Variants in PUF60 observed in about 807,000 individuals in gnomAD.
The protein encoded by PUF60 is poly(U) binding splicing factor 60, also known as poly(U)-binding-splicing factor PUF60.
A neutral mutation model predicts 61.8 loss-of-function variants in PUF60; 10 were observed. The observed-to-expected ratio is 0.16, with a 90% CI of 0.10 to 0.27. The LOEUF (loss-of-function observed/expected upper bound fraction) is 0.27, where lower values mean the gene tolerates loss of function less well. PUF60 is among the 10% of genes least tolerant of loss of function. PUF60 has a pLI of 1.00. For missense variants in PUF60, 371 were observed against 754.0 expected, an observed-to-expected ratio of 0.49 and a Z score of 5.95; for synonymous variants, 353 against 300.9, an observed-to-expected ratio of 1.17 and a Z score of -1.79.
rs979405511 is a variant in PUF60 at position 143,821,584 on chromosome 8, G to T, written c.297+13C>A. On this transcript the variant is annotated intron_variant, in intron 4 of 11. Coordinates refer to ENST00000526683, the MANE Select transcript of PUF60 (RefSeq NM_078480.3). ...TGGTGGGGAGGGCGGTAGAGGCTCC[G>T]GCCGGGGCTCACCTGCAGGTTGGTG... 6.5e-7 allele frequency: 1 copy of T among 1,539,048 alleles called. No homozygotes were observed. Among genetic ancestry groups the T allele is most frequent in the East Asian group, 2.4e-5 (1 of 40,936 alleles).
intron 5 of PUF60, chr8:143,820,407 T>C: frequency 1.8e-6 from 1 of 557,490 alleles, no homozygotes; most frequent in Non-Finnish European, 3.2e-6. Flanking sequence ...CTACCCGCCC[T>C]GGCCGGCTGC....
Position 143,821,828 on chromosome 8 carries a change from G to A in PUF60, c.197C>T (p.Ala66Val). 1 of 1,610,530 alleles carries A rather than the reference G, an allele frequency of 6.2e-7. No individual in the cohort carries two copies. Among genetic ancestry groups the A allele is most frequent in the African/African-American group, 1.3e-5 (1 of 75,016 alleles). ...GAGGTCCATGCTCACCTTCTGAAGGGCCTCCTGCTGCTCGGGCGTCAGGGG... is the reference window on the plus strand; with the variant it reads ...GAGGTCCATGCTCACCTTCTGAAGGACCTCCTGCTGCTCGGGCGTCAGGGG... Reference protein sequence around the residue: ...LPPLTPEQQEALQKAKKYAME... With the variant: ...LPPLTPEQQEVLQKAKKYAME... Residue 66 changes from alanine (A) to valine (V), a missense_variant, in exon 3 of 12, where the codon GCC becomes GTC. Physicochemically the swap from Ala to Val is moderately conservative, Grantham distance 64. Coordinates refer to ENST00000526683, the MANE Select transcript of PUF60 (RefSeq NM_078480.3).
intron 1 of PUF60, among the ~76,000 whole-genome samples, chr8:143,826,831 G>A (rs1443246223): frequency 6.6e-6 from 1 of 152,236 alleles, no homozygotes; most frequent in Non-Finnish European, 1.5e-5. Flanking sequence ...TAGGGCTACT[G>A]TGAAGATTCA....
In PUF60 at chr8:143,821,807, T is replaced by C. The variant is rs770288819; in HGVS notation, c.207+11A>G. Reference sequence around the variant, plus strand: ...CCCACACCTGCAGTGCCCTGGGAGGTCCATGCTCACCTTCTGAAGGGCCTC... The same window carrying C: ...CCCACACCTGCAGTGCCCTGGGAGGCCCATGCTCACCTTCTGAAGGGCCTC... On this transcript the variant is annotated intron_variant, in intron 3 of 11. Transcript: ENST00000526683. The C allele has an allele frequency of 1.4e-5, 22 of 1,602,896 alleles. No individual in the cohort carries two copies. The highest frequency in any genetic ancestry group is 3.4e-5 in the Admixed American group (2 of 59,342).
Position 143,818,682 on chromosome 8 carries a change from T to C in PUF60, c.349-148A>G, listed in dbSNP as rs1160034333. On this transcript the variant is annotated intron_variant, in intron 5 of 11. Coordinates refer to ENST00000526683, the MANE Select transcript of PUF60 (RefSeq NM_078480.3). The surrounding 1 kb of genome is among the most constrained non-coding windows in gnomAD (Gnocchi z 7.9). ...GGAGGTGCGGGCTCCATCCCTGCAG[T>C]CATAGTGTGGGGGTCGCAGGACCCC... 1 of 872,268 alleles carries C rather than the reference T, an allele frequency of 1.1e-6. No individual in the cohort carries two copies. The highest frequency in any genetic ancestry group is 2.7e-5 in the East Asian group (1 of 37,056). The allele number at this position is 872,268 out of a possible 1,614,324, so 54.0% of individuals were successfully genotyped here.
rs1817459924 is a variant in PUF60, at chr8:143,824,788, C to CGGTG, written c.25-390_25-389insCACC. The CGGTG allele has an allele frequency of 4.9e-5, 13 of 265,876 alleles. No homozygotes were observed. The Admixed American group carries it at 6.4e-4, about 13-fold the overall frequency. 16.5% of individuals were successfully genotyped at this position (265,876 alleles called of 1,614,324 possible). A position where few individuals can be genotyped will look rare whatever the true frequency, so the allele number is the denominator to read the frequency against. ...GCAGCAGCGGTGCCTTCCTGGCAAC[C>CGGTG]TGTACACACCTTGGCCAGCCCACAA... On this transcript the variant is annotated intron_variant, in intron 1 of 11. Coordinates refer to ENST00000526683, the MANE Select transcript of PUF60 (RefSeq NM_078480.3).
chr8:143,827,088 A>G (rs1270927178), intron 1 of PUF60: 2 of 319,946 alleles, frequency 6.3e-6, no homozygotes, highest in Admixed American at 4.8e-5. Context: ...CAAGAGAGAA[A>G]GACGTCTCTC....
chr8:143,820,621 T>A, intron 5 of PUF60, 45 bp downstream of exon 5: 1 of 1,591,722 alleles, frequency 6.3e-7, no homozygotes, highest in Non-Finnish European at 8.6e-7. Context: ...CCTCTAGCCC[T>A]GACTAAGGAC....
chr8:143,816,502 C>G lies in PUF60; in HGVS notation c.*18G>C. ...AGGAAACAAGGAACAAGTGCAAGTCCGGGGAGAGGGACCACTGTCACGCAG... is the reference window on the plus strand; with the variant it reads ...AGGAAACAAGGAACAAGTGCAAGTCGGGGGAGAGGGACCACTGTCACGCAG... On this transcript the variant is annotated 3_prime_UTR_variant, in exon 12 of 12. Transcript: ENST00000526683. 1 of 1,592,958 alleles carries G rather than the reference C, an allele frequency of 6.3e-7. No homozygotes were observed. Among genetic ancestry groups the G allele is most frequent in the South Asian group, 1.1e-5 (1 of 87,768 alleles).
Position 143,817,044 on chromosome 8 carries a change from T to C in PUF60, c.1246A>G (p.Lys416Glu). 1 of 1,611,254 alleles carries C rather than the reference T, an allele frequency of 6.2e-7. No homozygotes were observed. The highest frequency in any genetic ancestry group is 8.5e-7 in the Non-Finnish European group (1 of 1,179,082). Residue 416 changes from lysine to glutamate, a missense_variant, in exon 11 of 12, where the codon AAG (lysine) becomes GAG (glutamate). This residue lies in a region of PUF60 where 68 missense variants were observed against 69.4 expected (regional missense o/e 0.98). Transcript: ENST00000526683. This position sits in a 1 kb window ranked among gnomAD's most constrained non-coding sequence, Gnocchi z 7.4. ...SPPTLGLLEP[K>E]KEKEEEELFP... ...AGCTCCTCTTCTTCCTTCTCCTTCT[T>C]GGGCTCCAGGAGACCCAGCGTTGGA...
rs761518973 is a variant in PUF60 at position 143,817,501 on chromosome 8, G to A, written c.1009-35C>T. On this transcript the variant is annotated intron_variant, in intron 9 of 11. Coordinates refer to ENST00000526683, the MANE Select transcript of PUF60 (RefSeq NM_078480.3). The surrounding 1 kb of genome is among the most constrained non-coding windows in gnomAD (Gnocchi z 7.4). ...AAAAGGTCACCGTGCTCAGTCCCTG[G>A]TCTGGCTACTCAAGACCACCTTGAA... 5.0e-6 allele frequency: 8 copies of A among 1,609,212 alleles called. No individual in the cohort carries two copies. In the East Asian group the frequency reaches 1.1e-4, roughly 22 times the overall value.
chr8:143,824,580 G>A (rs1311117576), intron 1 of PUF60, 181 bp from the exon 2 acceptor site: 3 of 620,750 alleles, frequency 4.8e-6, no homozygotes, highest in Admixed American at 5.6e-5. Flanking sequence ...AGCACGCCCA[G>A]GGACCCAGTC....
chr8:143,816,419 T>C lies in PUF60; in HGVS notation c.*101A>G. The C allele has an allele frequency of 3.0e-6, 4 of 1,340,372 alleles. No individual in the cohort carries two copies. Among genetic ancestry groups the C allele is most frequent in the Non-Finnish European group, 3.0e-6 (3 of 994,142 alleles). 83.0% of individuals were successfully genotyped at this position (1,340,372 alleles called of 1,614,324 possible). On this transcript the variant is annotated 3_prime_UTR_variant, in exon 12 of 12. Coordinates refer to ENST00000526683, the MANE Select transcript of PUF60 (RefSeq NM_078480.3). ...CCGCACCTTTATCCGCACTGTAGGC[T>C]GGGCTGGGCAGAGCGCGCCTGGCCC...
intron 5 of PUF60, 129 bp downstream of exon 5, chr8:143,820,537 C>A (rs1234360295): frequency 2.7e-6 from 3 of 1,093,388 alleles, no homozygotes; most frequent in Non-Finnish European, 4.1e-6. Context: ...TGGCGCTCTG[C>A]TGCGCTCGTC....
chr8:143,819,787 G>A (rs146764416), intron 5 of PUF60, among the ~76,000 whole-genome samples: 179 of 152,048 alleles, frequency 1.2e-3, no homozygotes, highest in African/African-American at 4.1e-3. Context: ...CTGTCCCTCA[G>A]GTCATGGTTC....
In PUF60 at chr8:143,818,492, C is replaced by T; in HGVS notation, c.391G>A (p.Val131Ile). 6.2e-7 allele frequency: 1 copy of T among 1,607,788 alleles called. No homozygotes were observed. The highest frequency in any genetic ancestry group is 8.5e-7 in the Non-Finnish European group (1 of 1,177,950). ...TCATAGTAGATAGAGCCCACGTAGA[C>T]GCGGCACATGATGGCCAGCGCCCGC... ...RQRALAIMCR[V>I]YVGSIYYELG... The change falls in exon 6 of 12, where the codon GTC becomes ATC. Residue 131 changes from valine (V) to isoleucine (I), a missense_variant. Transcript: ENST00000526683. This position sits in a 1 kb window ranked among gnomAD's most constrained non-coding sequence, Gnocchi z 7.9.
chr8:143,824,438 C>T (rs2130385066), intron 1 of PUF60, 39 bp from the exon 2 acceptor site: 1 of 1,593,542 alleles, frequency 6.3e-7, no homozygotes, highest in East Asian at 2.2e-5. Flanking sequence ...ACAGGCACAC[C>T]ACCCCACCGC....
At chr8:143,826,191 C>T (rs764895785) in intron 1 of PUF60, among the ~76,000 whole-genome samples, 5 of 152,234 alleles carry the variant, frequency 3.3e-5, no homozygotes, top group Non-Finnish European at 7.3e-5. Flanking sequence ...TGGGAAGCCC[C>T]TCTGAGGGGC....
chr8:143,828,231 C>T (rs1476699029), intron 1 of PUF60, among the ~76,000 whole-genome samples: 1 of 152,230 alleles, frequency 6.6e-6, no homozygotes, highest in African/African-American at 2.4e-5. Flanking sequence ...CCGCTGGGGG[C>T]CTGGCAATGG....
Sources: gnomAD v4.1 joint callset for allele counts (sites outside exome capture counted in the v4.1 genomes callset) on GRCh38, gnomAD v4.1.1 for gene constraint, gnomAD v4.1.1 regional missense constraint, Gnocchi (gnomAD v3.1) non-coding constraint, MANE v1.5 for transcripts, NCBI Gene and HGNC (gene_info 2026-07-23, HGNC 2026-07-21) for gene names.